The following TENM2 variants were observed in gnomAD, a reference collection of about 807,000 sequenced individuals.
The protein encoded by TENM2 is teneurin-2.
TENM2 carries 52 observed loss-of-function variants against 245.2 expected under a neutral mutation model. The ratio of observed to expected loss-of-function variants is 0.21; its 90% CI spans 0.17 to 0.27. TENM2 has a LOEUF of 0.27. Among genes scored for constraint, TENM2 ranks in the 10% least tolerant of loss-of-function variants. TENM2 has a pLI of 1.00. For missense variants in TENM2, 3,046 were observed against 3,666.8 expected (o/e 0.83, Z 4.37); for synonymous variants, 1,363 against 1,438.9 (o/e 0.95, Z 1.19).
At chr5:167,609,703 T>A (rs1777342219) in intron 2 of TENM2, among the ~76,000 whole-genome samples, 1 of 152,030 alleles carries the variant, frequency 6.6e-6, no homozygotes, top group Admixed American at 6.6e-5. Flanking sequence ...TATACTTTAT[T>A]CTATCTTTTG....
intron 5 of TENM2, among the ~76,000 whole-genome samples, chr5:168,014,040 G>C (rs984816402): frequency 1.3e-5 from 2 of 152,046 alleles, no homozygotes; most frequent in Admixed American, 6.6e-5. Flanking sequence ...TCACCCTATT[G>C]AGCTCATCTT....
chr5:167,532,677 G>A (rs749155227), intron 2 of TENM2, among the ~76,000 whole-genome samples: 7 of 151,088 alleles, frequency 4.6e-5, no homozygotes, highest in South Asian at 2.1e-4. Context: ...CAGCCAAACC[G>A]TATCTCCTAT....
chr5:167,608,660 T>C (rs1777229940), intron 2 of TENM2, among the ~76,000 whole-genome samples: 1 of 152,192 alleles, frequency 6.6e-6, no homozygotes, highest in East Asian at 1.9e-4. Context: ...AAAGCAGTTG[T>C]TAGTAAGAGC....
At chr5:167,722,453 C>T (rs572093603) in intron 2 of TENM2, among the ~76,000 whole-genome samples, 2 of 152,114 alleles carry the variant, frequency 1.3e-5, no homozygotes, top group East Asian at 1.9e-4. Flanking sequence ...GATTTAGATA[C>T]AGATACAGAT....
At chr5:167,691,144 C>A (rs1757409323) in intron 2 of TENM2, among the ~76,000 whole-genome samples, 1 of 152,072 alleles carries the variant, frequency 6.6e-6, no homozygotes, top group Non-Finnish European at 1.5e-5. Flanking sequence ...TCTGGGCAAC[C>A]AATGTCTTAT....
chr5:167,265,056 G>C, the TENM2 span, among the ~76,000 whole-genome samples: 2 of 152,014 alleles, frequency 1.3e-5, no homozygotes, highest in African/African-American at 4.8e-5. Flanking sequence ...GGCCGGGAGC[G>C]ATGGCTCATG....
the TENM2 span, among the ~76,000 whole-genome samples, chr5:167,003,639 G>A: frequency 1.3e-5 from 2 of 152,068 alleles, no homozygotes; most frequent in Non-Finnish European, 2.9e-5. Context: ...TGGTAAAGTC[G>A]AACTTTTTTT....
intron 2 of TENM2, among the ~76,000 whole-genome samples, chr5:167,759,351 T>C (rs1448740330): frequency 1.3e-5 from 2 of 152,084 alleles, no homozygotes; most frequent in Non-Finnish European, 2.9e-5. Context: ...TGGTAAGTGC[T>C]CCATAAATGT....
At position 168,023,212 on chromosome 5, in the gene TENM2, G is replaced by A. The variant is rs183098642; in HGVS notation, c.1187-24215G>A. On this transcript the variant is annotated intron_variant, in intron 5 of 28. Transcript: ENST00000518659. Reference sequence around the variant, plus strand: ...TGCTGCAGAGAGTGTCGGCAGCCACGCTGATGCGAGGCCTTGGGCAAATTC... The same window carrying A: ...TGCTGCAGAGAGTGTCGGCAGCCACACTGATGCGAGGCCTTGGGCAAATTC... Among the ~76,000 whole-genome samples the A allele has an allele frequency of 3.9e-5, 6 of 152,312 alleles. 1 individual carries two copies. The highest frequency in any genetic ancestry group is 4.2e-4 in the South Asian group (2 of 4,818).
At chr5:167,435,484 C>T (rs912442969) in intron 2 of TENM2, among the ~76,000 whole-genome samples, 4 of 152,144 alleles carry the variant, frequency 2.6e-5, no homozygotes, top group Non-Finnish European at 1.5e-5. Context: ...GTGAGGGCTC[C>T]CCAGCAGTGT....
chr5:168,157,579 A>C (rs1213281478), intron 12 of TENM2, among the ~76,000 whole-genome samples: 1 of 152,178 alleles, frequency 6.6e-6, no homozygotes, highest in East Asian at 1.9e-4. Flanking sequence ...CTTGCAGTTA[A>C]GAGGAAAATT....
At chr5:167,191,899 T>C in the TENM2 span, among the ~76,000 whole-genome samples, 1 of 152,088 alleles carries the variant, frequency 6.6e-6, no homozygotes, top group Non-Finnish European at 1.5e-5. Context: ...AGAAATAACA[T>C]GACAAGGCAG....
At chr5:167,471,549 TGAA>T (rs1395981394) in intron 2 of TENM2, among the ~76,000 whole-genome samples, 1 of 152,254 alleles carries the variant, frequency 6.6e-6, no homozygotes, top group African/African-American at 2.4e-5. Flanking sequence ...AAATCAGTTC[TGAA>T]GAATACAGAA....
the TENM2 span, among the ~76,000 whole-genome samples, chr5:167,072,103 C>A: frequency 6.6e-6 from 1 of 152,044 alleles, no homozygotes; most frequent in Non-Finnish European, 1.5e-5. Context: ...ATGGGTTCAG[C>A]CAAGCTTGCA....
intron 12 of TENM2, among the ~76,000 whole-genome samples, chr5:168,150,228 G>A (rs960769760): frequency 2.6e-5 from 4 of 152,290 alleles, no homozygotes; most frequent in East Asian, 3.9e-4. Context: ...ATAGGTGCTC[G>A]ATAAATAATT....
chr5:167,428,307 T>C (rs1764002345), intron 2 of TENM2, among the ~76,000 whole-genome samples: 1 of 152,198 alleles, frequency 6.6e-6, no homozygotes, highest in Non-Finnish European at 1.5e-5. Context: ...AGTAACCCTA[T>C]CCTTTGAATA....
At chr5:168,013,964 TTTA>T (rs1228115093) in intron 5 of TENM2, among the ~76,000 whole-genome samples, 1 of 152,226 alleles carries the variant, frequency 6.6e-6, no homozygotes, top group Non-Finnish European at 1.5e-5. Context: ...TCTGCCTGCC[TTTA>T]TATCTGTCCC....
chr5:167,828,392 C>A (rs1412522906), intron 2 of TENM2, among the ~76,000 whole-genome samples: 1 of 152,176 alleles, frequency 6.6e-6, no homozygotes, highest in African/African-American at 2.4e-5. Flanking sequence ...TTCTTTGCAG[C>A]ACCTGTCACA....
intron 2 of TENM2, among the ~76,000 whole-genome samples, chr5:167,784,113 G>A (rs1764398832): frequency 1.3e-5 from 2 of 152,188 alleles, no homozygotes; most frequent in South Asian, 4.1e-4. Context: ...GGACCCAGCA[G>A]TGTCATCGTT....
Sources: gnomAD v4.1 joint callset for allele counts (sites outside exome capture counted in the v4.1 genomes callset) on GRCh38, gnomAD v4.1.1 for gene constraint, MANE v1.5 for transcripts, NCBI Gene and HGNC (gene_info 2026-07-23, HGNC 2026-07-21) for gene names.